PCNT: variants seen among roughly 807,000 people sequenced by gnomAD.
PCNT encodes pericentrin.
PCNT carries 319 observed loss-of-function variants against 380.4 expected under a neutral mutation model. The ratio of observed to expected loss-of-function variants is 0.84; its 90% CI spans 0.77 to 0.92. The LOEUF is 0.92. PCNT is among the 40% of genes least tolerant of loss of function. The pLI, the probability that PCNT is intolerant of heterozygous loss-of-function variation, is 0.00. For missense variants in PCNT, 4,400 were observed against 4,255.3 expected, an observed-to-expected ratio of 1.03 and a Z score of -0.95; for synonymous variants, 1,845 against 1,735.2, an observed-to-expected ratio of 1.06 and a Z score of -1.57.
intron 13 of PCNT, among the ~76,000 whole-genome samples, chr21:46,359,480 G>GTTGTTTTTTTTTTTTTTTTT (rs2084609442): frequency 3.0e-5 from 2 of 65,732 alleles, no homozygotes; most frequent in Non-Finnish European, 6.8e-5. Context: ...AAATACACCT[G>GTTGTTTTTTTTTTTTTTTTT]TTTTTTTTTT....
chr21:46,445,439 T>C lies in PCNT; in HGVS notation c.*112T>C. The C allele has an allele frequency of 1.2e-6, 1 of 850,822 alleles. No homozygotes were observed. Among genetic ancestry groups the C allele is most frequent in the Non-Finnish European group, 2.1e-6 (1 of 484,098 alleles). The allele number at this position is 850,822 out of a possible 1,614,324, so 52.7% of individuals were successfully genotyped here. ...CATGGGCACTACTCTTCATGTGCGG[T>C]GACACCAGCCCCCAGATGCCTTGAA... is the stretch of plus-strand genomic sequence containing the variant. On this transcript the variant is annotated 3_prime_UTR_variant, in exon 47 of 47. Coordinates refer to ENST00000359568, the MANE Select transcript of PCNT (RefSeq NM_006031.6).
intron 8 of PCNT, among the ~76,000 whole-genome samples, chr21:46,350,098 G>C (rs1220296147): frequency 6.6e-6 from 1 of 152,136 alleles, no homozygotes; most frequent in Non-Finnish European, 1.5e-5. Context: ...AGAATCGCTT[G>C]AACCTAGGAG....
intron 15 of PCNT, among the ~76,000 whole-genome samples, chr21:46,367,489 G>A (rs2084971223): frequency 6.6e-6 from 1 of 152,172 alleles, no homozygotes; most frequent in East Asian, 1.9e-4. Flanking sequence ...TGTATTTTTA[G>A]TAGAGACTGG....
intron 40 of PCNT, among the ~76,000 whole-genome samples, chr21:46,437,897 A>T (rs1286496533): frequency 4.6e-5 from 7 of 152,170 alleles, no homozygotes; most frequent in Non-Finnish European, 8.8e-5. Flanking sequence ...TGAACTAACA[A>T]CGGTCCAGCC....
intron 33 of PCNT, among the ~76,000 whole-genome samples, chr21:46,427,250 G>T (rs946568866): frequency 1.3e-5 from 2 of 152,250 alleles, no homozygotes; most frequent in African/African-American, 4.8e-5. Context: ...GGCAGTGTGT[G>T]TCTTCTCTTC....
chr21:46,388,757 C>T lies in PCNT; in HGVS notation c.3480C>T (p.Asp1160=), dbSNP rs775474539. The T allele has an allele frequency of 2.6e-5, 42 of 1,613,776 alleles. No homozygotes were observed. The highest frequency in any genetic ancestry group is 9.9e-5 in the South Asian group (9 of 91,080). Residue 1160 remains aspartate, a synonymous_variant, in exon 18 of 47, where the codon GAC becomes GAT. Transcript: ENST00000359568. The surrounding 1 kb of genome is among the most constrained non-coding windows in gnomAD (Gnocchi z 4.2). ...LSHSERGALQ[D]ALRRLLGLFG... Reference sequence around the variant, plus strand: ...CCTGTCTCAGAGGGGCCCTCCAGGACGCCCTGCGCAGGCTGCTGGGTTTGT... The same window carrying T: ...CCTGTCTCAGAGGGGCCCTCCAGGATGCCCTGCGCAGGCTGCTGGGTTTGT...
At position 46,324,176 on chromosome 21, in the gene PCNT, T is replaced by C; in HGVS notation, c.-53T>C. The stretch of plus-strand genomic sequence containing the variant: ...GAGGGAGTGTAAATAGAGCGAAGGC[T>C]GCTCTGTGTCAGCCCCGTCACCGCC... On this transcript the variant is annotated 5_prime_UTR_variant, in exon 1 of 47. Coordinates refer to ENST00000359568, the MANE Select transcript of PCNT (RefSeq NM_006031.6). 6.7e-7 allele frequency: 1 copy of C among 1,488,048 alleles called. No individual in the cohort carries two copies. Among genetic ancestry groups the C allele is most frequent in the Non-Finnish European group, 9.3e-7 (1 of 1,075,682 alleles). 92.2% of individuals were successfully genotyped at this position (1,488,048 alleles called of 1,614,324 possible).
rs188324081 is a variant in PCNT, at chr21:46,425,084, G to T, written c.7180-747G>T. Reference sequence around the variant, plus strand: ...TCAGGTTTTTATGCAGACGTGTCCTGTGCTTGGGTGTGTGCTCATGTGGTG... The same window carrying T: ...TCAGGTTTTTATGCAGACGTGTCCTTTGCTTGGGTGTGTGCTCATGTGGTG... On this transcript the variant is annotated intron_variant, in intron 32 of 46. Transcript: ENST00000359568. The surrounding 1 kb of genome is among the most constrained non-coding windows in gnomAD (Gnocchi z 4.2). Among the ~76,000 whole-genome samples the T allele has an allele frequency of 6.6e-6, 1 of 152,070 alleles. No individual in the cohort carries two copies. Among genetic ancestry groups the T allele is most frequent in the African/African-American group, 2.4e-5 (1 of 41,492 alleles).
rs1012279273 is a variant in PCNT, at chr21:46,443,804, G to A, written c.9701-6G>A. On this transcript the variant is annotated splice_polypyrimidine_tract_variant and splice_region_variant and intron_variant, in intron 44 of 46. Transcript: ENST00000359568. ...ATCCCTTGGTTGTTAAATAATTCTG[G>A]GGAAGGGCCCCGAGCACGACAGCCG... is the stretch of plus-strand genomic sequence containing the variant. The A allele has an allele frequency of 1.9e-6, 3 of 1,613,584 alleles. No homozygotes were observed. Among genetic ancestry groups the A allele is most frequent in the Non-Finnish European group, 1.7e-6 (2 of 1,179,928 alleles).
intron 31 of PCNT, among the ~76,000 whole-genome samples, chr21:46,421,221 C>T (rs1055892120): frequency 6.6e-6 from 1 of 152,250 alleles, no homozygotes; most frequent in African/African-American, 2.4e-5. Flanking sequence ...GGCATCATCC[C>T]CCAGGTGCCC....
intron 4 of PCNT, 82 bp downstream of exon 4, chr21:46,346,290 G>T: frequency 4.2e-6 from 3 of 708,704 alleles, no homozygotes; most frequent in South Asian, 1.4e-5. Flanking sequence ...GGTGGGGGTG[G>T]GGTGGGCGCT....
At position 46,334,860 on chromosome 21, in the gene PCNT, C is replaced by G. The variant is rs752015719; in HGVS notation, c.639+92C>G. 633 of 1,577,898 alleles carry G rather than the reference C, an allele frequency of 4.0e-4. 2 individuals are homozygous for G. Among genetic ancestry groups the G allele is most frequent in the Non-Finnish European group, 4.9e-4 (560 of 1,153,610 alleles). ...AAACCAGTGAGAGGACCTTCCATCTCTGCAGGGCCTCTCTTTAGAAGTGGA... is the reference window on the plus strand; with the variant it reads ...AAACCAGTGAGAGGACCTTCCATCTGTGCAGGGCCTCTCTTTAGAAGTGGA... On this transcript the variant is annotated intron_variant, in intron 3 of 46. Coordinates refer to ENST00000359568, the MANE Select transcript of PCNT (RefSeq NM_006031.6).
intron 31 of PCNT, among the ~76,000 whole-genome samples, chr21:46,418,729 T>C (rs1230739749): frequency 6.6e-6 from 1 of 152,270 alleles, no homozygotes; most frequent in East Asian, 1.9e-4. Context: ...CTGCCCACCC[T>C]GCCTTTCCCT....
chr21:46,398,881 G>A (rs1166157712), intron 24 of PCNT, among the ~76,000 whole-genome samples: 1 of 145,184 alleles, frequency 6.9e-6, no homozygotes, highest in African/African-American at 2.6e-5. Flanking sequence ...GTGCAGTGGC[G>A]CGATCTCAGC....
intron 2 of PCNT, among the ~76,000 whole-genome samples, chr21:46,330,088 A>G (rs574808880): frequency 6.6e-6 from 1 of 152,284 alleles, no homozygotes; most frequent in African/African-American, 2.4e-5. Flanking sequence ...GTCATCAGGT[A>G]TTAACCCCTA....
chr21:46,370,141 G>A (rs933540280), intron 15 of PCNT, among the ~76,000 whole-genome samples: 4 of 152,068 alleles, frequency 2.6e-5, no homozygotes, highest in African/African-American at 9.7e-5. Flanking sequence ...CGTGCAGTGG[G>A]GTCTGTGCTC....
intron 11 of PCNT, among the ~76,000 whole-genome samples, chr21:46,354,862 T>C (rs916461675): frequency 5.9e-5 from 9 of 152,110 alleles, no homozygotes; most frequent in East Asian, 1.9e-4. Flanking sequence ...CAAGAGGCTA[T>C]GGGGGAAATG....
rs748436346 is a variant in PCNT, at chr21:46,324,278, C to T, written c.50C>T (p.Thr17Met). 2 of 1,610,354 alleles carry T rather than the reference C, an allele frequency of 1.2e-6. No individual in the cohort carries two copies. The highest frequency in any genetic ancestry group is 1.7e-6 in the Non-Finnish European group (2 of 1,178,032). Residue 17 changes from threonine to methionine, a missense_variant, in exon 1 of 47, where the codon ACG becomes ATG. Coordinates refer to ENST00000359568, the MANE Select transcript of PCNT (RefSeq NM_006031.6). The part of the protein sequence containing the change: ...QRRRKVEAGR[T>M]KLAHFRQRKT... The stretch of plus-strand genomic sequence containing the variant: ...CGCAGAAAGGTGGAGGCCGGGAGGA[C>T]GAAGGTAAACATTAGGGGCTTCTTC...
intron 15 of PCNT, among the ~76,000 whole-genome samples, chr21:46,374,274 G>A (rs887897129): frequency 1.3e-5 from 2 of 152,142 alleles, no homozygotes; most frequent in Non-Finnish European, 2.9e-5. Flanking sequence ...CCATGTGTCT[G>A]CGAGTGAGGT....
Sources: allele counts gnomAD v4.1 joint callset (sites outside exome capture counted in the v4.1 genomes callset), GRCh38; gene constraint gnomAD v4.1.1; non-coding constraint Gnocchi (gnomAD v3.1); transcripts MANE v1.5; gene names NCBI Gene and HGNC (gene_info 2026-07-23, HGNC 2026-07-21).